The following FHIT variants were observed in gnomAD, a reference collection of about 807,000 sequenced individuals.
FHIT encodes the protein bis(5'-adenosyl)-triphosphatase.
In FHIT, 19 loss-of-function variants were observed where a neutral mutation model predicts 17.9. The ratio of observed to expected loss-of-function variants is 1.06; its 90% CI spans 0.74 to 1.56. FHIT has a LOEUF of 1.56. Among genes scored for constraint, FHIT ranks in the 40% most tolerant of loss-of-function variants. The pLI, the probability that FHIT is intolerant of heterozygous loss-of-function variation, is 0.00. For missense variants in FHIT, 248 were observed against 189.2 expected (o/e 1.31, Z -1.82); for synonymous variants, 81 against 69.7 (o/e 1.16, Z -0.81).
At chr3:59,848,190 G>T (rs1157408843) in intron 8 of FHIT, among the ~76,000 whole-genome samples, 1 of 152,258 alleles carries the variant, frequency 6.6e-6, no homozygotes, top group Non-Finnish European at 1.5e-5. Context: ...TGAAAGATGG[G>T]GAATGGGTAG....
At chr3:60,745,781 G>A (rs917647392) in intron 4 of FHIT, among the ~76,000 whole-genome samples, 1 of 152,148 alleles carries the variant, frequency 6.6e-6, no homozygotes, top group African/African-American at 2.4e-5. Context: ...GGTACTAACT[G>A]TAATTCCTGA....
chr3:60,323,307 A>G (rs1049515249), intron 5 of FHIT, among the ~76,000 whole-genome samples: 1 of 152,062 alleles, frequency 6.6e-6, no homozygotes, highest in African/African-American at 2.4e-5. Context: ...TTTTCCCATT[A>G]TTTTCACTTT....
intron 2 of FHIT, among the ~76,000 whole-genome samples, chr3:61,178,181 T>C (rs564355261): frequency 2.0e-5 from 3 of 152,138 alleles, no homozygotes; most frequent in African/African-American, 4.8e-5. Context: ...CCGGCAGTTA[T>C]TGAGTGTTTA....
chr3:60,169,513 T>G (rs1350441814), intron 5 of FHIT, among the ~76,000 whole-genome samples: 1 of 152,160 alleles, frequency 6.6e-6, no homozygotes, highest in African/African-American at 2.4e-5. Context: ...AACTGACAAA[T>G]TATATAAGTC....
intron 5 of FHIT, among the ~76,000 whole-genome samples, chr3:60,320,566 T>C (rs926142): frequency 0.028 from 4,254 of 152,020 alleles, 192 homozygotes; most frequent in African/African-American, 0.098. Context: ...ATCACTGTAA[T>C]GGGAGAAAAA....
At chr3:60,797,765 G>A (rs1701034993) in intron 4 of FHIT, among the ~76,000 whole-genome samples, 1 of 150,198 alleles carries the variant, frequency 6.7e-6, no homozygotes, top group Admixed American at 6.7e-5. Flanking sequence ...TATTTAATAA[G>A]ATTTAATTAA....
At chr3:61,176,705 A>G (rs560934569) in intron 2 of FHIT, among the ~76,000 whole-genome samples, 1 of 152,226 alleles carries the variant, frequency 6.6e-6, no homozygotes, top group South Asian at 2.1e-4. Flanking sequence ...TCACTGATTC[A>G]GCAGCATATT....
chr3:60,428,336 T>C (rs1702752793), intron 5 of FHIT, among the ~76,000 whole-genome samples: 1 of 152,168 alleles, frequency 6.6e-6, no homozygotes, highest in Non-Finnish European at 1.5e-5. Flanking sequence ...GTTCGAATTA[T>C]TACCTGGAAT....
chr3:60,446,864 A>AATAATG, intron 5 of FHIT, among the ~76,000 whole-genome samples: 1 of 60,454 alleles, frequency 1.7e-5, no homozygotes, highest in East Asian at 9.8e-4. Flanking sequence ...TTAAAATAAT[A>AATAATG]ATAATAATAA....
intron 5 of FHIT, among the ~76,000 whole-genome samples, chr3:60,212,418 A>G (rs562479918): frequency 6.6e-6 from 1 of 152,326 alleles, no homozygotes; most frequent in East Asian, 1.9e-4. Flanking sequence ...AATGTACATG[A>G]CAGCAGACCT....
At chr3:60,707,655 ACT>A (rs1260053942) in intron 4 of FHIT, among the ~76,000 whole-genome samples, 1 of 152,194 alleles carries the variant, frequency 6.6e-6, no homozygotes, top group African/African-American at 2.4e-5. Flanking sequence ...AGTGCCAATT[ACT>A]GTTCTGTCTT....
At chr3:61,144,250 G>A (rs1028450694) in intron 2 of FHIT, among the ~76,000 whole-genome samples, 1 of 152,142 alleles carries the variant, frequency 6.6e-6, no homozygotes, top group Non-Finnish European at 1.5e-5. Context: ...CTATGCATAT[G>A]GATTTGTCTC....
chr3:61,074,539 G>C (rs2034910210), intron 2 of FHIT, among the ~76,000 whole-genome samples: 2 of 152,038 alleles, frequency 1.3e-5, no homozygotes. Flanking sequence ...GAAAATGCTG[G>C]AAGCTCTGAC....
intron 5 of FHIT, among the ~76,000 whole-genome samples, chr3:60,067,957 C>G (rs779444917): frequency 6.6e-6 from 1 of 152,090 alleles, no homozygotes; most frequent in Non-Finnish European, 1.5e-5. Flanking sequence ...ACTCAGGGGC[C>G]CAGCATGGTG....
chr3:60,013,736 T>C (rs1055967362), intron 6 of FHIT, among the ~76,000 whole-genome samples: 5 of 152,150 alleles, frequency 3.3e-5, no homozygotes, highest in African/African-American at 1.2e-4. Flanking sequence ...AGTAAGCAAT[T>C]TGGAATGTCT....
intron 5 of FHIT, among the ~76,000 whole-genome samples, chr3:60,231,139 C>T (rs1445436898): frequency 2.0e-5 from 3 of 152,198 alleles, no homozygotes; most frequent in African/African-American, 7.2e-5. Flanking sequence ...GAGCCATGCT[C>T]ATATTTGTGA....
intron 5 of FHIT, among the ~76,000 whole-genome samples, chr3:60,142,137 TA>T: frequency 6.6e-6 from 1 of 152,300 alleles, no homozygotes; most frequent in Admixed American, 6.5e-5. Flanking sequence ...GCAGTATAAC[TA>T]ACTGGTCAAG....
At chr3:60,568,399 T>C (rs972023474) in intron 4 of FHIT, among the ~76,000 whole-genome samples, 2 of 151,362 alleles carry the variant, frequency 1.3e-5, no homozygotes, top group Non-Finnish European at 1.5e-5. Flanking sequence ...TAGGTGGGAA[T>C]TGAACAATGA....
At chr3:60,292,793 AG>A (rs1190390067) in intron 5 of FHIT, among the ~76,000 whole-genome samples, 1 of 152,202 alleles carries the variant, frequency 6.6e-6, no homozygotes, top group Non-Finnish European at 1.5e-5. Flanking sequence ...ACTCTTTTAA[AG>A]AAAGCCTAGT....
Sources: allele counts gnomAD v4.1 joint callset (sites outside exome capture counted in the v4.1 genomes callset), GRCh38; gene constraint gnomAD v4.1.1; transcripts MANE v1.5; gene names NCBI Gene and HGNC (gene_info 2026-07-23, HGNC 2026-07-21).